ENTPD5: variants seen among roughly 807,000 people sequenced by gnomAD.
The protein encoded by ENTPD5 is nucleoside diphosphate phosphatase ENTPD5.
Under a neutral mutation model 60.2 loss-of-function variants are expected in ENTPD5, and 49 were observed. The ratio of observed to expected loss-of-function variants is 0.81; its 90% CI spans 0.65 to 1.03. The LOEUF (loss-of-function observed/expected upper bound fraction) is 1.03, where lower values mean the gene tolerates loss of function less well. Ranked by LOEUF, ENTPD5 falls within the 50% of genes least tolerant of loss-of-function variation. The probability of loss-of-function intolerance (pLI) is 0.00; values close to 1 mark genes in which losing one functional copy is unlikely to be tolerated. For missense variants in ENTPD5, 480 were observed against 507.6 expected, an observed-to-expected ratio of 0.95 and a Z score of 0.52; for synonymous variants, 187 against 185.4, an observed-to-expected ratio of 1.01 and a Z score of -0.07.
chr14:73,982,907 GC>G (rs1258861887), intron 6 of ENTPD5, 110 bp downstream of exon 6: 3 of 1,059,654 alleles, frequency 2.8e-6, no homozygotes, highest in Non-Finnish European at 4.2e-6. Context: ...CAATGCTTTG[GC>G]AGTGGTGGAA....
At chr14:73,991,607 C>T (rs933179716) in intron 3 of ENTPD5, among the ~76,000 whole-genome samples, 3 of 75,482 alleles carry the variant, frequency 4.0e-5, no homozygotes, top group Non-Finnish European at 9.6e-5. Flanking sequence ...AAAACAATAA[C>T]CAAAAAAAAA....
At chr14:73,985,940 C>G (rs1005190033) in intron 5 of ENTPD5, among the ~76,000 whole-genome samples, 4 of 151,640 alleles carry the variant, frequency 2.6e-5, no homozygotes, top group Non-Finnish European at 1.5e-5. Flanking sequence ...GGCATGGTGG[C>G]ACATGCCTGT....
chr14:73,958,631 G>T, downstream of ENTPD5: 2 of 1,290,804 alleles, frequency 1.5e-6, no homozygotes, highest in Non-Finnish European at 2.0e-6. Context: ...CTTTTTGCAT[G>T]GTAGCCATTC....
At chr14:73,994,651 T>C (rs1028510004) in intron 3 of ENTPD5, among the ~76,000 whole-genome samples, 1 of 150,844 alleles carries the variant, frequency 6.6e-6, no homozygotes, top group African/African-American at 2.4e-5. Context: ...GAGAATCGCT[T>C]GAACCCGGGA....
chr14:73,955,438 C>G (rs767343318), downstream of ENTPD5: 1 of 1,613,078 alleles, frequency 6.2e-7, no homozygotes, highest in East Asian at 2.2e-5. Flanking sequence ...TCTATAGATC[C>G]TTTCTTTTGT....
At chr14:74,012,968 T>C (rs2058890885) in intron 2 of ENTPD5, among the ~76,000 whole-genome samples, 1 of 152,232 alleles carries the variant, frequency 6.6e-6, no homozygotes, top group South Asian at 2.1e-4. Flanking sequence ...TCATTCACAA[T>C]GAGTTCCCAG....
At chr14:73,995,584 C>T (rs577626753) in intron 3 of ENTPD5, among the ~76,000 whole-genome samples, 92 of 85,602 alleles carry the variant, frequency 1.1e-3, no homozygotes, top group South Asian at 3.1e-3. Flanking sequence ...GACTCTATCT[C>T]AAATAATAAT....
chr14:73,961,834 C>T (rs2056751020), downstream of ENTPD5: 1 of 1,614,064 alleles, frequency 6.2e-7, no homozygotes, highest in African/African-American at 1.3e-5. Context: ...TCTATTCTAC[C>T]AGTGCCTCCC....
rs763567838 is a variant in ENTPD5, at chr14:73,987,984, G to A, written c.119C>T (p.Pro40Leu). The A allele has an allele frequency of 3.1e-6, 5 of 1,614,100 alleles. No individual in the cohort carries two copies. Among genetic ancestry groups the A allele is most frequent in the Non-Finnish European group, 4.2e-6 (5 of 1,180,014 alleles). The change falls in exon 4 of 16, where the codon CCC becomes CTC. Residue 40 changes from proline to leucine, a missense_variant. Coordinates refer to ENST00000334696, the MANE Select transcript of ENTPD5 (RefSeq NM_001249.5). The part of the protein sequence containing the change: ...FEGIFLSSMC[P>L]INVSASTLYG... ...CAAGGTGCTGGCGCTGACATTGATG[G>A]GGCACATGGAAGACAGGAAGATACC...
intron 15 of ENTPD5, among the ~76,000 whole-genome samples, chr14:73,968,116 C>T (rs1473595116): frequency 6.6e-6 from 1 of 152,096 alleles, no homozygotes; most frequent in Non-Finnish European, 1.5e-5. Flanking sequence ...AAGAGCGAAA[C>T]TTGGTCTCAA....
rs545059799 is a variant in ENTPD5, at chr14:73,976,078, C to G, written c.643-63G>C. 123 of 1,348,086 alleles carry G rather than the reference C, an allele frequency of 9.1e-5. No homozygotes were observed. The East Asian group carries it at 2.8e-3, about 30-fold the overall frequency. The allele number at this position is 1,348,086 out of a possible 1,614,324, so 83.5% of individuals were successfully genotyped here. Reference sequence around the variant, plus strand: ...TGTAATTACCTGAAGATGTTCACACCACCACCCGTCCCTCCCAGCAAAAAA... The same window carrying G: ...TGTAATTACCTGAAGATGTTCACACGACCACCCGTCCCTCCCAGCAAAAAA... On this transcript the variant is annotated intron_variant, in intron 9 of 15. Transcript: ENST00000334696.
At chr14:73,957,129 G>A (rs952972440), downstream of ENTPD5, among the ~76,000 whole-genome samples, 12 of 149,616 alleles carry the variant, frequency 8.0e-5, no homozygotes, top group Admixed American at 6.0e-4. Context: ...ATGGAGTCTC[G>A]CTCTGTCGCC....
chr14:74,013,692 T>C (rs184567664), intron 2 of ENTPD5, among the ~76,000 whole-genome samples: 30 of 152,282 alleles, frequency 2.0e-4, no homozygotes, highest in Admixed American at 7.2e-4. Flanking sequence ...AATAAGGTTG[T>C]ATATTCTCAG....
intron 6 of ENTPD5, among the ~76,000 whole-genome samples, chr14:73,980,740 T>C (rs909765402): frequency 3.3e-5 from 5 of 152,254 alleles, no homozygotes; most frequent in Admixed American, 6.5e-5. Context: ...CTTCACAACA[T>C]GAAATTTAAA....
intron 3 of ENTPD5, chr14:73,996,201 C>A: frequency 1.0e-6 from 1 of 985,334 alleles, no homozygotes; most frequent in Non-Finnish European, 1.2e-6. Flanking sequence ...ATCAAGCGAG[C>A]CTCATGAACC....
intron 3 of ENTPD5, among the ~76,000 whole-genome samples, chr14:73,992,003 A>G (rs1213019912): frequency 6.7e-6 from 1 of 149,698 alleles, no homozygotes; most frequent in Non-Finnish European, 1.5e-5. Context: ...CCGTCTCACA[A>G]AAAAAAAGTA....
At chr14:73,972,767 T>C in intron 13 of ENTPD5, 117 bp downstream of exon 13, 1 of 1,215,594 alleles carries the variant, frequency 8.2e-7, no homozygotes, top group Non-Finnish European at 1.1e-6. Flanking sequence ...TTCGAGTGAC[T>C]AGAAAAGAGG....
intron 3 of ENTPD5, among the ~76,000 whole-genome samples, chr14:74,003,173 A>G (rs146083043): frequency 6.6e-6 from 1 of 152,064 alleles, no homozygotes; most frequent in African/African-American, 2.4e-5. Context: ...TCTTTTTTCC[A>G]CACCACTTAT....
intron 3 of ENTPD5, among the ~76,000 whole-genome samples, chr14:73,995,885 C>A (rs1480054717): frequency 6.6e-6 from 1 of 152,050 alleles, no homozygotes; most frequent in Non-Finnish European, 1.5e-5. Flanking sequence ...CCCAACAAAG[C>A]CCTGTTTCCA....
Sources: gnomAD v4.1 joint callset for allele counts (sites outside exome capture counted in the v4.1 genomes callset) on GRCh38, gnomAD v4.1.1 for gene constraint, MANE v1.5 for transcripts, NCBI Gene and HGNC (gene_info 2026-07-23, HGNC 2026-07-21) for gene names.